The following CXCL3 variants were observed in gnomAD, a reference collection of about 807,000 sequenced individuals.
CXCL3 encodes the protein C-X-C motif chemokine 3.
Under a neutral mutation model 11.5 loss-of-function variants are expected in CXCL3, and 10 were observed. The observed-to-expected ratio is 0.87, with a 90% CI of 0.54 to 1.48. CXCL3 has a LOEUF of 1.48. Among genes scored for constraint, CXCL3 ranks in the 40% most tolerant of loss-of-function variants. The pLI is 0.00. For synonymous variants in CXCL3, 61 were observed against 60.9 expected (o/e 1.00, Z -0.01); for missense variants, 149 against 139.1 (o/e 1.07, Z -0.36).
chr4:74,037,804 C>A, intron 3 of CXCL3: 1 of 386,794 alleles, frequency 2.6e-6, no homozygotes, highest in Non-Finnish European at 4.7e-6. Context: ...CCAAAACAGG[C>A]AGGGGGCATT....
At chr4:74,037,958 T>C (rs929971592) in intron 3 of CXCL3, 135 bp downstream of exon 3, 1 of 937,188 alleles carries the variant, frequency 1.1e-6, no homozygotes, top group Non-Finnish European at 1.6e-6. Flanking sequence ...GCAACTTTAA[T>C]TGTGAAAATA....
chr4:74,038,101 T>C lies in CXCL3; in HGVS notation c.300A>G (p.Ile100Met), dbSNP rs779120236. 3 of 1,614,114 alleles carry C rather than the reference T, an allele frequency of 1.9e-6. No individual in the cohort carries two copies. Among genetic ancestry groups the C allele is most frequent in the Non-Finnish European group, 2.5e-6 (3 of 1,179,974 alleles). ...TGGAAATTACAACTCACTTGTTCAG[T>C]ATCTTTTCGATGATTTTCTGAACCA... ...SPMVQKIIEK[I>M]LNKGSTN is the part of the protein sequence containing the mutation. Residue 100 changes from isoleucine to methionine, a missense_variant, in exon 3 of 4, where the codon ATA (isoleucine) becomes ATG (methionine). Physicochemically the swap from Ile to Met is conservative, Grantham distance 10. Transcript: ENST00000296026.
At chr4:74,037,940 C>A (rs1041425181) in intron 3 of CXCL3, 153 bp downstream of exon 3, 3 of 816,938 alleles carry the variant, frequency 3.7e-6, no homozygotes, top group African/African-American at 1.7e-5. Flanking sequence ...AGATTAATAA[C>A]CTTAATGGCA....
Position 74,038,675 on chromosome 4 carries a change from C to G in CXCL3, c.-64G>C. ...GGGAGAGCTGGCGGGGAGGTGCCTG[C>G]GACCCGGGCTGTGTGGCTCCCCAAG... On this transcript the variant is annotated 5_prime_UTR_variant, in exon 1 of 4. Transcript: ENST00000296026. The G allele has an allele frequency of 1.5e-6, 2 of 1,365,662 alleles. 1 individual carries two copies. The highest frequency in any genetic ancestry group is 7.3e-5 in the Admixed American group (2 of 27,522). The allele number at this position is 1,365,662 out of a possible 1,614,324, so 84.6% of individuals were successfully genotyped here. A position where few individuals can be genotyped will look rare whatever the true frequency, so the allele number is the denominator to read the frequency against.
At position 74,038,274 on chromosome 4, in the gene CXCL3, G is replaced by T. The variant is rs1308876261; in HGVS notation, c.224+16C>A. On this transcript the variant is annotated intron_variant, in intron 2 of 3. Transcript: ENST00000296026. ...GGACCCCAGCGGTGGCAGCGGAAGCGCGGGGCGGGACTTACATGACTTCGG... is the reference window on the plus strand; with the variant it reads ...GGACCCCAGCGGTGGCAGCGGAAGCTCGGGGCGGGACTTACATGACTTCGG... 1 of 1,613,882 alleles carries T rather than the reference G, an allele frequency of 6.2e-7. No individual in the cohort carries two copies. The highest frequency in any genetic ancestry group is 8.5e-7 in the Non-Finnish European group (1 of 1,179,858).
rs200899993 is a variant in CXCL3 at position 74,038,361 on chromosome 4, T to G, written c.153A>C (p.Gly51=). The G allele has an allele frequency of 1.9e-6, 3 of 1,614,022 alleles. No homozygotes were observed. In the African/African-American group the frequency reaches 4.0e-5, roughly 22 times the overall value. Residue 51 remains glycine, a synonymous_variant, in exon 2 of 4, where the codon GGA becomes GGC. Coordinates refer to ENST00000296026, the MANE Select transcript of CXCL3 (RefSeq NM_002090.3). ...LRCQCLQTLQ[G]IHLKNIQSVN... ...CACTTTGGATGTTCTTGAGGTGAAT[T>G]CCCTGCAGTGTCTGCAAGCACTGGC...
chr4:74,037,965 A>T (rs1720032192), intron 3 of CXCL3, 128 bp downstream of exon 3: 1 of 987,456 alleles, frequency 1.0e-6, no homozygotes, highest in Non-Finnish European at 1.5e-6. Flanking sequence ...TAATTGTGAA[A>T]ATAATAATCA....
chr4:74,038,319 G>T lies in CXCL3; in HGVS notation c.195C>A (p.Pro65=), dbSNP rs199744046. Residue 65 remains proline, a synonymous_variant, in exon 2 of 4, where the codon CCC becomes CCA. Transcript: ENST00000296026. ...CTTCGGTTTGGGCGCAGTGGGGTCC[G>T]GGGGACCTTACATTCACACTTTGGA... ...KNIQSVNVRS[P]GPHCAQTEVI... 1 of 1,614,060 alleles carries T rather than the reference G, an allele frequency of 6.2e-7. No individual in the cohort carries two copies.
intron 3 of CXCL3, chr4:74,037,804 C>T: frequency 2.6e-6 from 1 of 386,794 alleles, no homozygotes; most frequent in Non-Finnish European, 4.7e-6. Context: ...CCAAAACAGG[C>T]AGGGGGCATT....
intron 3 of CXCL3, chr4:74,037,812 AT>A: frequency 2.5e-6 from 1 of 394,248 alleles, no homozygotes; most frequent in Non-Finnish European, 4.6e-6. Flanking sequence ...GGCAGGGGGC[AT>A]TTTGGCATTG....
intron 3 of CXCL3, chr4:74,037,538 A>G: frequency 2.0e-6 from 1 of 494,772 alleles, no homozygotes. Flanking sequence ...ACTGATTGTC[A>G]CATTGGGTTA....
Position 74,038,417 on chromosome 4 carries a change from G to A in CXCL3, c.101-4C>T. 1 of 1,612,562 alleles carries A rather than the reference G, an allele frequency of 6.2e-7. No homozygotes were observed. Among genetic ancestry groups the A allele is most frequent in the Non-Finnish European group, 8.5e-7 (1 of 1,179,374 alleles). On this transcript the variant is annotated splice_polypyrimidine_tract_variant and splice_region_variant and intron_variant, in intron 1 of 3. Transcript: ENST00000296026. ...AGTTCAGTGACCACGGACGCTCCTAGGGAAGAATAGACTCGCTGATTGAGC... is the reference window on the plus strand; with the variant it reads ...AGTTCAGTGACCACGGACGCTCCTAAGGAAGAATAGACTCGCTGATTGAGC...
chr4:74,038,224 A>T, intron 2 of CXCL3, 48 bp from the exon 3 acceptor site: 1 of 1,613,944 alleles, frequency 6.2e-7, no homozygotes, highest in Non-Finnish European at 8.5e-7. Context: ...GGCTGGGGAC[A>T]GGGTTGGGGC....
In CXCL3 at chr4:74,038,227, G is replaced by GT. The variant is rs1186262255; in HGVS notation, c.225-52dup. ...GACAGGAGGTCGGGCTGGGGACAGG[G>GT]TTGGGGCAGCGGGAGAGTCGGGGAC... is the stretch of plus-strand genomic sequence containing the variant. On this transcript the variant is annotated intron_variant, in intron 2 of 3. Coordinates refer to ENST00000296026, the MANE Select transcript of CXCL3 (RefSeq NM_002090.3). The GT allele has an allele frequency of 1.1e-5, 18 of 1,614,004 alleles. No individual in the cohort carries two copies. In the East Asian group the frequency reaches 3.6e-4, roughly 32 times the overall value.
chr4:74,038,424 A>G lies in CXCL3; in HGVS notation c.101-11T>C, dbSNP rs1420487736. 1 of 1,609,628 alleles carries G rather than the reference A, an allele frequency of 6.2e-7. No homozygotes were observed. Among genetic ancestry groups the G allele is most frequent in the Non-Finnish European group, 8.5e-7 (1 of 1,178,214 alleles). On this transcript the variant is annotated splice_polypyrimidine_tract_variant and intron_variant, in intron 1 of 3. Coordinates refer to ENST00000296026, the MANE Select transcript of CXCL3 (RefSeq NM_002090.3). The stretch of plus-strand genomic sequence containing the variant: ...TGACCACGGACGCTCCTAGGGAAGA[A>G]TAGACTCGCTGATTGAGCGGGGCTG...
At chr4:74,038,445 G>A in intron 1 of CXCL3, 32 bp from the exon 2 acceptor site, 7 of 1,594,640 alleles carry the variant, frequency 4.4e-6, no homozygotes, top group Non-Finnish European at 6.0e-6. Flanking sequence ...GATTGAGCGG[G>A]GCTGTCGGCG....
Position 74,038,593 on chromosome 4 carries a change from A to G in CXCL3, c.19T>C (p.Ser7Pro). 2 of 1,484,326 alleles carry G rather than the reference A, an allele frequency of 1.3e-6. 1 individual carries two copies. Among genetic ancestry groups the G allele is most frequent in the Non-Finnish European group, 1.8e-6 (2 of 1,120,266 alleles). The allele number at this position is 1,484,326 out of a possible 1,614,324, so 91.9% of individuals were successfully genotyped here. Residue 7 changes from serine to proline, a missense_variant, in exon 1 of 4, where the codon TCC becomes CCC. By Grantham distance (74) the Ser-to-Pro change is moderately conservative. Transcript: ENST00000296026. MAHATL[S>P]AAPSNPRLLR... ...AGCCGGGGATTGCTGGGGGCGGCGG[A>G]GAGCGTGGCGTGGGCCATGGGGCTC...
chr4:74,036,856 C>A lies in CXCL3; in HGVS notation c.*406G>T, dbSNP rs1720003177. 2 of 176,456 alleles carry A rather than the reference C, an allele frequency of 1.1e-5. No individual in the cohort carries two copies. Among genetic ancestry groups the A allele is most frequent in the Non-Finnish European group, 2.4e-5 (2 of 82,430 alleles). 10.9% of individuals were successfully genotyped at this position (176,456 alleles called of 1,614,324 possible). ...AGATGTGTACATACATTCCCTTACCCTAACAGTGATCCACTAATTGCTTGC... is the reference window on the plus strand; with the variant it reads ...AGATGTGTACATACATTCCCTTACCATAACAGTGATCCACTAATTGCTTGC... On this transcript the variant is annotated 3_prime_UTR_variant, in exon 4 of 4. Coordinates refer to ENST00000296026, the MANE Select transcript of CXCL3 (RefSeq NM_002090.3).
Position 74,038,512 on chromosome 4 carries a change from C to G in CXCL3, c.100G>C (p.Gly34Arg). The change falls in exon 1 of 4, where the codon GGA becomes CGA. Residue 34 changes from glycine (G) to arginine (R), a missense_variant and splice_region_variant. By Grantham distance (125) the Gly-to-Arg change is moderately radical. Transcript: ENST00000296026. ...LLVAASRRAA[G>R]ASVVTELRCQ... is the part of the protein sequence containing the mutation. Reference sequence around the variant, plus strand: ...GGGACCCCAGGGCGCCGGGACCCACCTGCTGCGCGCCGGCTGGCGGCCACC... The same window carrying G: ...GGGACCCCAGGGCGCCGGGACCCACGTGCTGCGCGCCGGCTGGCGGCCACC... 5 of 1,494,194 alleles carry G rather than the reference C, an allele frequency of 3.3e-6. No homozygotes were observed. Among genetic ancestry groups the G allele is most frequent in the Non-Finnish European group, 4.4e-6 (5 of 1,125,094 alleles). 92.6% of individuals were successfully genotyped at this position (1,494,194 alleles called of 1,614,324 possible). A position where few individuals can be genotyped will look rare whatever the true frequency, so the allele number is the denominator to read the frequency against.
Sources: gnomAD v4.1 joint callset for allele counts on GRCh38, gnomAD v4.1.1 for gene constraint, MANE v1.5 for transcripts, NCBI Gene and HGNC (gene_info 2026-07-23, HGNC 2026-07-21) for gene names.